The following ANKAR variants were observed in gnomAD, a reference collection of about 807,000 sequenced individuals.
ANKAR encodes the protein ankyrin and armadillo repeat containing.
A neutral mutation model predicts 146.2 loss-of-function variants in ANKAR; 136 were observed. The ratio of observed to expected loss-of-function variants is 0.93; its 90% confidence interval spans 0.81 to 1.07. The LOEUF (loss-of-function observed/expected upper bound fraction) is 1.07. Ranked by LOEUF, ANKAR falls within the 50% of genes least tolerant of loss-of-function variation. ANKAR has a pLI of 0.00. For missense variants in ANKAR, 1,567 were observed against 1,679.9 expected (o/e 0.93, Z 1.18); for synonymous variants, 500 against 575.8 (o/e 0.87, Z 1.88).
In ANKAR at chr2:189,720,645, A is replaced by T; in HGVS notation, c.2493A>T (p.Leu831=). Residue 831 remains leucine, a synonymous_variant, in exon 12 of 23, where the codon CTA becomes CTT. Coordinates refer to ENST00000684021, the MANE Select transcript of ANKAR (RefSeq NM_001378068.1). ...KYNGIPSLIN[L]LNLNIENVLV... ...ATGGAATCCCAAGCCTGATAAATCT[A>T]TTGAACTTAAACATAGAAAATGTGC... The T allele has an allele frequency of 1.5e-6, 2 of 1,373,518 alleles. No individual in the cohort carries two copies. 85.1% of individuals were successfully genotyped at this position (1,373,518 alleles called of 1,614,324 possible).
At chr2:189,716,918 AT>A (rs2040541621) in intron 10 of ANKAR, among the ~76,000 whole-genome samples, 2 of 152,248 alleles carry the variant, frequency 1.3e-5, no homozygotes, top group South Asian at 2.1e-4. Flanking sequence ...TCCCTTCCTT[AT>A]ACCTTATATA....
intron 10 of ANKAR, among the ~76,000 whole-genome samples, chr2:189,718,850 C>T (rs900033563): frequency 9.9e-5 from 15 of 150,846 alleles, no homozygotes; most frequent in Non-Finnish European, 2.2e-4. Flanking sequence ...CCCGGGTTCA[C>T]GCCATTCTCC....
At chr2:189,675,390 T>C (rs2033404003) in intron 1 of ANKAR, among the ~76,000 whole-genome samples, 1 of 152,178 alleles carries the variant, frequency 6.6e-6, no homozygotes, top group Non-Finnish European at 1.5e-5. Flanking sequence ...TTTTTTCTTT[T>C]TTTGAAACAG....
intron 5 of ANKAR, among the ~76,000 whole-genome samples, chr2:189,694,354 C>G (rs1399208358): frequency 6.6e-6 from 1 of 152,274 alleles, no homozygotes; most frequent in Middle Eastern, 3.4e-3. Context: ...CGCTGAAATC[C>G]GGGCATGGGA....
chr2:189,684,306 T>C (rs541616666), intron 2 of ANKAR, among the ~76,000 whole-genome samples: 2 of 152,124 alleles, frequency 1.3e-5, no homozygotes, highest in Non-Finnish European at 2.9e-5. Context: ...TTATTGCTAC[T>C]CATTTTTTGA....
At chr2:189,732,009 A>G (rs1239097826) in intron 16 of ANKAR, among the ~76,000 whole-genome samples, 2 of 152,172 alleles carry the variant, frequency 1.3e-5, no homozygotes, top group African/African-American at 4.8e-5. Flanking sequence ...GCATTCTTTT[A>G]ACAAATGTGT....
intron 9 of ANKAR, among the ~76,000 whole-genome samples, chr2:189,707,452 CAAAAAAAAAAAA>C (rs67227035): frequency 1.4e-5 from 1 of 72,928 alleles, no homozygotes; most frequent in African/African-American, 5.5e-5. Context: ...TCTCCTTCAT[CAAAAAAAAAAAA>C]AAAAAAAAAA....
At chr2:189,750,936 T>A (rs1379381878), downstream of ANKAR, among the ~76,000 whole-genome samples, 1 of 152,152 alleles carries the variant, frequency 6.6e-6, no homozygotes, top group Non-Finnish European at 1.5e-5. Context: ...AAATGAAATA[T>A]AAAAATAATG....
At position 189,678,536 on chromosome 2, in the gene ANKAR, C is replaced by T. The variant is rs542989385; in HGVS notation, c.601+1445C>T. On this transcript the variant is annotated intron_variant, in intron 2 of 22. Transcript: ENST00000684021. ...AAGCCAATGTCTAGAAGGGTTTGTC[C>T]GAGTTATCTTCTACAATTTTTATGG... Among the ~76,000 whole-genome samples, 68 of 152,124 alleles carry T rather than the reference C, an allele frequency of 4.5e-4. 1 individual carries two copies. The South Asian group carries it at 0.011, about 26-fold the overall frequency.
At chr2:189,740,201 T>G (rs2043195516) in intron 19 of ANKAR, among the ~76,000 whole-genome samples, 1 of 152,254 alleles carries the variant, frequency 6.6e-6, no homozygotes, top group African/African-American at 2.4e-5. Flanking sequence ...CTCCTTCTAC[T>G]CCTTTGAGAA....
At chr2:189,720,956 C>A (rs1015067855) in intron 12 of ANKAR, among the ~76,000 whole-genome samples, 169 bp downstream of exon 12, 1 of 152,116 alleles carries the variant, frequency 6.6e-6, no homozygotes, top group African/African-American at 2.4e-5. Context: ...TTTTTCCTAA[C>A]TGCTAAACTA....
At chr2:189,719,122 T>G (rs890869046) in intron 10 of ANKAR, among the ~76,000 whole-genome samples, 8 of 152,270 alleles carry the variant, frequency 5.3e-5, no homozygotes, top group Non-Finnish European at 1.0e-4. Context: ...TTTACTAGAT[T>G]CAGCACTTTT....
intron 19 of ANKAR, among the ~76,000 whole-genome samples, chr2:189,739,186 C>G (rs1368724545): frequency 6.6e-6 from 1 of 152,116 alleles, no homozygotes; most frequent in Non-Finnish European, 1.5e-5. Context: ...CTACTGCAGA[C>G]CTAACCCAAC....
At chr2:189,723,615 G>A (rs1294866654) in intron 12 of ANKAR, among the ~76,000 whole-genome samples, 3 of 151,972 alleles carry the variant, frequency 2.0e-5, no homozygotes, top group Non-Finnish European at 4.4e-5. Context: ...GTAGTATTAT[G>A]TACTCCTTAC....
chr2:189,714,490 A>G (rs1343634425), intron 10 of ANKAR, among the ~76,000 whole-genome samples: 2 of 152,248 alleles, frequency 1.3e-5, no homozygotes, highest in African/African-American at 4.8e-5. Context: ...TGGAAACTGA[A>G]CAACCTGCTC....
Position 189,706,967 on chromosome 2 carries a change from C to A in ANKAR, c.1940C>A (p.Ala647Asp). Residue 647 changes from alanine (A) to aspartate (D), a missense_variant, in exon 9 of 23, where the codon GCC becomes GAC. Coordinates refer to ENST00000684021, the MANE Select transcript of ANKAR (RefSeq NM_001378068.1). ...ENQCTPLLLA[A>D]TSGALDTIQY... Reference sequence around the variant, plus strand: ...CAGTGCACTCCACTGTTACTTGCTGCCACTTCAGGAGCACTGGACACTATT... The same window carrying A: ...CAGTGCACTCCACTGTTACTTGCTGACACTTCAGGAGCACTGGACACTATT... The A allele has an allele frequency of 1.2e-6, 2 of 1,612,520 alleles. No homozygotes were observed. Among genetic ancestry groups the A allele is most frequent in the Middle Eastern group, 1.7e-4 (1 of 6,046 alleles).
chr2:189,744,101 T>C (rs1225104), intron 21 of ANKAR, among the ~76,000 whole-genome samples: 149,479 of 152,308 alleles, frequency 0.98, 73,410 homozygotes, highest in East Asian at 1. Flanking sequence ...ACATAGGAAA[T>C]AGAACTACTC....
chr2:189,741,492 A>T (rs1317021901), intron 20 of ANKAR, 41 bp downstream of exon 20: 5 of 1,457,966 alleles, frequency 3.4e-6, no homozygotes, highest in African/African-American at 1.4e-5. Flanking sequence ...TAAATATGCT[A>T]AAAATATAAT....
At chr2:189,755,791 A>G (rs532577623) in intron 18 of ANKAR, among the ~76,000 whole-genome samples, 1 of 152,346 alleles carries the variant, frequency 6.6e-6, no homozygotes, top group Admixed American at 6.5e-5. Flanking sequence ...ACTCCCATGG[A>G]TTTGTTTGTT....
Sources: gnomAD v4.1 joint callset for allele counts (sites outside exome capture counted in the v4.1 genomes callset) on GRCh38, gnomAD v4.1.1 for gene constraint, MANE v1.5 for transcripts, NCBI Gene and HGNC (gene_info 2026-07-23, HGNC 2026-07-21) for gene names.